The following RIMS1 variants were observed in gnomAD, a reference collection of about 807,000 sequenced individuals.
RIMS1 encodes the protein regulating synaptic membrane exocytosis protein 1.
A neutral mutation model predicts 214.1 loss-of-function variants in RIMS1; 83 were observed. The ratio of observed to expected loss-of-function variants is 0.39; its 90% CI spans 0.32 to 0.47. The LOEUF (loss-of-function observed/expected upper bound fraction) is 0.47, where lower values mean the gene tolerates loss of function less well. Ranked by LOEUF, RIMS1 falls within the 20% of genes least tolerant of loss-of-function variation. The probability of loss-of-function intolerance (pLI) is 0.99; values close to 1 mark genes in which losing one functional copy is unlikely to be tolerated. For synonymous variants in RIMS1, 793 were observed against 786.8 expected (o/e 1.01, Z -0.13); for missense variants, 2,050 against 2,161.8 (o/e 0.95, Z 1.03).
intron 6 of RIMS1, among the ~76,000 whole-genome samples, chr6:72,196,085 G>A (rs1315446576): frequency 1.3e-5 from 2 of 152,058 alleles, no homozygotes; most frequent in Non-Finnish European, 2.9e-5. Context: ...TGAGATTTGG[G>A]TGGGGACACA....
intron 4 of RIMS1, among the ~76,000 whole-genome samples, chr6:72,155,620 A>T (rs2044336583): frequency 7.1e-6 from 1 of 141,260 alleles, no homozygotes; most frequent in African/African-American, 2.5e-5. Context: ...AGGAGCAGCA[A>T]ATCATTTCTT....
intron 29 of RIMS1, among the ~76,000 whole-genome samples, chr6:72,388,041 C>T (rs1312593585): frequency 2.6e-5 from 4 of 152,068 alleles, no homozygotes; most frequent in African/African-American, 7.2e-5. Context: ...CAGTTTATAC[C>T]CCTGTTCTAG....
At chr6:71,903,082 A>G (rs566906193) in intron 1 of RIMS1, among the ~76,000 whole-genome samples, 30 of 152,196 alleles carry the variant, frequency 2.0e-4, no homozygotes, top group African/African-American at 6.0e-4. Context: ...TTCTGAGTCT[A>G]TATCTTTGAG....
At chr6:72,334,729 C>A (rs1283711332) in intron 29 of RIMS1, among the ~76,000 whole-genome samples, 3 of 151,842 alleles carry the variant, frequency 2.0e-5, no homozygotes, top group African/African-American at 7.2e-5. Flanking sequence ...TCACAAAATC[C>A]TTTTTATATC....
chr6:72,368,292 A>ATTTTTTT (rs1168375463), intron 29 of RIMS1, among the ~76,000 whole-genome samples: 3 of 79,124 alleles, frequency 3.8e-5, no homozygotes, highest in East Asian at 3.0e-4. Flanking sequence ...GTGTTGTCTG[A>ATTTTTTT]TTTTTTTTTT....
chr6:72,213,509 G>A (rs534074917), intron 6 of RIMS1, among the ~76,000 whole-genome samples: 3 of 151,920 alleles, frequency 2.0e-5, no homozygotes, highest in Non-Finnish European at 4.4e-5. Context: ...GAGATTTGAA[G>A]ATTAGAAAAT....
intron 1 of RIMS1, among the ~76,000 whole-genome samples, chr6:71,962,700 G>A (rs1235212244): frequency 6.6e-6 from 1 of 151,964 alleles, no homozygotes; most frequent in Non-Finnish European, 1.5e-5. Context: ...ATATTCTTCA[G>A]CTTTTCTTCA....
chr6:71,962,173 G>T (rs527959378), intron 1 of RIMS1, among the ~76,000 whole-genome samples: 6 of 152,182 alleles, frequency 3.9e-5, no homozygotes, highest in Non-Finnish European at 8.8e-5. Flanking sequence ...GAAGACCAGA[G>T]ACTTTACTTT....
intron 25 of RIMS1, 69 bp downstream of exon 25, chr6:72,290,930 C>T (rs989562412): frequency 3.9e-5 from 56 of 1,424,500 alleles, no homozygotes; most frequent in Non-Finnish European, 4.9e-5. Context: ...TTGTACCTTC[C>T]TGAGCACTTG....
Position 72,221,291 on chromosome 6 carries a change from AGTGT to A in RIMS1, c.1679-12454_1679-12451del, listed in dbSNP as rs71540331. On this transcript the variant is annotated intron_variant, in intron 6 of 33. Transcript: ENST00000521978. ...ATGGTAGGCCCAAAGATCTGGGGTG[AGTGT>A]GTGTGTGTGTGTGTGTGTGTGTGTG... Among the ~76,000 whole-genome samples, 582 of 138,606 alleles carry A rather than the reference AGTGT, an allele frequency of 4.2e-3. 3 individuals are homozygous for A. Among genetic ancestry groups the A allele is most frequent in the East Asian group, 7.6e-3 (36 of 4,718 alleles). The allele number at this position is 138,606 out of a possible 152,430, so 90.9% of individuals were successfully genotyped here.
intron 2 of RIMS1, among the ~76,000 whole-genome samples, chr6:72,091,699 A>G (rs892652016): frequency 1.3e-5 from 2 of 152,298 alleles, no homozygotes; most frequent in East Asian, 1.9e-4. Flanking sequence ...TAGTGAAACA[A>G]TGAAAAAAAA....
chr6:71,920,217 A>C (rs1253449621), intron 1 of RIMS1, among the ~76,000 whole-genome samples: 1 of 152,210 alleles, frequency 6.6e-6, no homozygotes, highest in Non-Finnish European at 1.5e-5. Flanking sequence ...TTTAAAAATC[A>C]GTTGCACTAA....
intron 6 of RIMS1, among the ~76,000 whole-genome samples, chr6:72,202,376 A>G (rs1290062512): frequency 6.6e-6 from 1 of 152,110 alleles, no homozygotes; most frequent in Non-Finnish European, 1.5e-5. Context: ...TGGTTTATGG[A>G]TGACTGACTT....
At chr6:72,146,257 C>A (rs1298352933) in intron 4 of RIMS1, among the ~76,000 whole-genome samples, 4 of 152,296 alleles carry the variant, frequency 2.6e-5, no homozygotes, top group Non-Finnish European at 5.9e-5. Flanking sequence ...GGAGGGAAGA[C>A]TTAGCTTTCC....
In RIMS1 at chr6:72,160,350, C is replaced by T. The variant is rs577859996; in HGVS notation, c.472-19225C>T. 5.0e-5 allele frequency among the ~76,000 whole-genome samples: 7 copies of T among 139,958 alleles called. 1 individual carries two copies. The highest frequency in any genetic ancestry group is 2.4e-4 in the South Asian group (1 of 4,198). The allele number at this position is 139,958 out of a possible 152,430, so 91.8% of individuals were successfully genotyped here. ...GCCAACAGGGACAATTTGACTTCCT[C>T]GTTTCCTAATTGAATACCCTTTATT... is the stretch of plus-strand genomic sequence containing the variant. On this transcript the variant is annotated intron_variant, in intron 4 of 33. Transcript: ENST00000521978.
rs748950026 is a variant in RIMS1, at chr6:71,887,190, A to G, written c.164+3A>G. 6.2e-7 allele frequency: 1 copy of G among 1,601,900 alleles called. No homozygotes were observed. The highest frequency in any genetic ancestry group is 1.1e-5 in the South Asian group (1 of 89,042). On this transcript the variant is annotated splice_donor_region_variant and intron_variant, in intron 1 of 33. Transcript: ENST00000521978. ...GAAAAAGAAGAAGCCATGCTCAAGT[A>G]AGCCAGCCCCAGCCGCGCCATCCAT...
chr6:72,399,485 T>A (rs1241221206), intron 33 of RIMS1, among the ~76,000 whole-genome samples: 1 of 151,996 alleles, frequency 6.6e-6, no homozygotes, highest in African/African-American at 2.4e-5. Context: ...ATGTTAATAA[T>A]AGTTGGTTGA....
At chr6:72,173,808 G>C (rs901912211) in intron 4 of RIMS1, among the ~76,000 whole-genome samples, 39 of 152,146 alleles carry the variant, frequency 2.6e-4, no homozygotes, top group Non-Finnish European at 2.8e-4. Flanking sequence ...TGGATGATTG[G>C]GGTGTGTGTT....
chr6:72,294,196 A>C (rs2093787498), intron 26 of RIMS1, among the ~76,000 whole-genome samples: 1 of 151,732 alleles, frequency 6.6e-6, no homozygotes, highest in Admixed American at 6.6e-5. Flanking sequence ...GTTTGTCCTA[A>C]AATATGTTTA....
Sources: allele counts gnomAD v4.1 joint callset (sites outside exome capture counted in the v4.1 genomes callset), GRCh38; gene constraint gnomAD v4.1.1; transcripts MANE v1.5; gene names NCBI Gene and HGNC (gene_info 2026-07-23, HGNC 2026-07-21).